GALNT2: variants seen among roughly 807,000 people sequenced by gnomAD.
GALNT2 encodes UDP-GalNAc:polypeptide N-acetylgalactosaminyltransferase 2.
In GALNT2, 31 loss-of-function variants were observed where a neutral mutation model predicts 81.4. The observed-to-expected ratio is 0.38, with a 90% CI of 0.29 to 0.51. GALNT2 has a LOEUF of 0.51. Ranked by LOEUF, GALNT2 falls within the 20% of genes least tolerant of loss-of-function variation. The probability of loss-of-function intolerance (pLI) is 0.87; values close to 1 mark genes in which losing one functional copy is unlikely to be tolerated. For missense variants in GALNT2, 629 were observed against 765.7 expected (o/e 0.82, Z 2.11); for synonymous variants, 303 against 287.4 (o/e 1.05, Z -0.55).
intron 14 of GALNT2, among the ~76,000 whole-genome samples, chr1:230,270,284 A>G (rs1448730257): frequency 6.6e-6 from 1 of 152,200 alleles, no homozygotes; most frequent in African/African-American, 2.4e-5. Context: ...CAGCACATAC[A>G]ATGTGATGTG....
chr1:230,185,908 G>T (rs1032248993), intron 2 of GALNT2, among the ~76,000 whole-genome samples: 1 of 152,152 alleles, frequency 6.6e-6, no homozygotes, highest in African/African-American at 2.4e-5. Context: ...TCCTACCCCC[G>T]TAGTGGATCT....
At chr1:230,081,331 CAGG>C (rs1288680859) in intron 1 of GALNT2, among the ~76,000 whole-genome samples, 1 of 152,088 alleles carries the variant, frequency 6.6e-6, no homozygotes, top group Non-Finnish European at 1.5e-5. Context: ...GTTCAGTGGC[CAGG>C]AGATTATTTC....
At position 230,193,907 on chromosome 1, in the gene GALNT2, G is replaced by T. The variant is rs1024694625; in HGVS notation, c.221-9230G>T. Among the ~76,000 whole-genome samples the T allele has an allele frequency of 6.6e-6, 1 of 152,030 alleles. No homozygotes were observed. The highest frequency in any genetic ancestry group is 1.9e-4 in the East Asian group (1 of 5,162). On this transcript the variant is annotated intron_variant, in intron 2 of 15. Transcript: ENST00000366672. This position sits in a 1 kb window ranked among gnomAD's most constrained non-coding sequence, Gnocchi z 4.3. ...TGGCGGGGCCCCGAGCAGCCTTCCC[G>T]GGGCCTCAGTGCCTATGCTCAGCCT...
At chr1:230,181,373 A>G (rs1356887340) in intron 2 of GALNT2, among the ~76,000 whole-genome samples, 3 of 152,154 alleles carry the variant, frequency 2.0e-5, no homozygotes, top group South Asian at 4.1e-4. Flanking sequence ...TTGCTTAGCT[A>G]GTGGACATGA....
At chr1:230,072,362 C>T (rs1407383700) in intron 1 of GALNT2, among the ~76,000 whole-genome samples, 1 of 11,930 alleles carries the variant, frequency 8.4e-5, no homozygotes, top group Non-Finnish European at 1.5e-4. Flanking sequence ...TGTGGTGGGG[C>T]GGGGGTGGCG....
At chr1:230,082,911 AGGGAGCTGGGATGATGGAGCC>A (rs1430871581) in intron 1 of GALNT2, among the ~76,000 whole-genome samples, 3 of 150,532 alleles carry the variant, frequency 2.0e-5, no homozygotes, top group Non-Finnish European at 3.0e-5. Flanking sequence ...GATGATGGAC[AGGGAGCTGGGATGATGGAGCC>A]GGGAGCTGGG....
chr1:230,170,013 A>T (rs1229376939), intron 1 of GALNT2, among the ~76,000 whole-genome samples: 1 of 152,198 alleles, frequency 6.6e-6, no homozygotes, highest in Non-Finnish European at 1.5e-5. Flanking sequence ...CCCATTCCCT[A>T]AAGTTGTAAT....
intron 1 of GALNT2, among the ~76,000 whole-genome samples, chr1:230,103,552 C>T (rs1660459675): frequency 6.6e-6 from 1 of 152,086 alleles, no homozygotes. Context: ...GGGGCAGATG[C>T]CACCAGGCTG....
At chr1:230,197,552 C>T (rs950199820) in intron 2 of GALNT2, among the ~76,000 whole-genome samples, 3 of 152,154 alleles carry the variant, frequency 2.0e-5, no homozygotes, top group African/African-American at 4.8e-5. Context: ...GAGGCAGGGA[C>T]ATTCTGTTTG....
At chr1:230,164,079 A>G (rs1000717602) in intron 1 of GALNT2, among the ~76,000 whole-genome samples, 6 of 152,198 alleles carry the variant, frequency 3.9e-5, no homozygotes, top group Admixed American at 2.0e-4. Flanking sequence ...ATTAAATACC[A>G]TACCTCAAAG....
intron 1 of GALNT2, among the ~76,000 whole-genome samples, chr1:230,097,852 T>C (rs1473575543): frequency 6.6e-6 from 1 of 152,196 alleles, no homozygotes; most frequent in Non-Finnish European, 1.5e-5. Flanking sequence ...TGCTTGGCAA[T>C]TTGGGACAAC....
rs137886185 is a variant in GALNT2, at chr1:230,155,916, T to C, written c.127-22302T>C. Among the ~76,000 whole-genome samples the C allele has an allele frequency of 2.4e-4, 36 of 152,004 alleles. No homozygotes were observed. In the East Asian group the frequency reaches 5.1e-3, roughly 21 times the overall value. ...CTAATTCTGTAGTGATTTTGCCACA[T>C]GGAGAGGGGAGGGAACTATTGTGTC... On this transcript the variant is annotated intron_variant, in intron 1 of 15. Coordinates refer to ENST00000366672, the MANE Select transcript of GALNT2 (RefSeq NM_004481.5).
At chr1:230,215,262 G>A (rs1174217262) in intron 3 of GALNT2, among the ~76,000 whole-genome samples, 1 of 152,200 alleles carries the variant, frequency 6.6e-6, no homozygotes, top group Non-Finnish European at 1.5e-5. Context: ...ACCTCCAGAA[G>A]CTTTCACTTG....
intron 1 of GALNT2, among the ~76,000 whole-genome samples, chr1:230,125,806 A>C (rs543609743): frequency 6.6e-6 from 1 of 152,330 alleles, no homozygotes; most frequent in East Asian, 1.9e-4. Context: ...ACTCTCTTAA[A>C]ACTCTCTTGC....
intron 3 of GALNT2, among the ~76,000 whole-genome samples, chr1:230,204,145 T>C (rs1663989596): frequency 6.8e-6 from 1 of 147,630 alleles, no homozygotes; most frequent in Admixed American, 6.7e-5. Flanking sequence ...TCTCCTGACC[T>C]CCTTCTTTTT....
intron 3 of GALNT2, among the ~76,000 whole-genome samples, chr1:230,234,840 A>T (rs1436506265): frequency 6.6e-6 from 1 of 152,148 alleles, no homozygotes; most frequent in African/African-American, 2.4e-5. Flanking sequence ...GGTTCTGCTG[A>T]GCCCGGTAAA....
chr1:230,114,171 G>A (rs1317781504), intron 1 of GALNT2, among the ~76,000 whole-genome samples: 4 of 152,132 alleles, frequency 2.6e-5, no homozygotes, highest in Admixed American at 1.3e-4. Flanking sequence ...TCTTGGAAAC[G>A]GGCCACAGTG....
Position 230,203,123 on chromosome 1 carries a change from T to C in GALNT2, c.221-14T>C. 6.2e-7 allele frequency: 1 copy of C among 1,612,360 alleles called. No homozygotes were observed. Among genetic ancestry groups the C allele is most frequent in the Non-Finnish European group, 8.5e-7 (1 of 1,178,554 alleles). On this transcript the variant is annotated splice_polypyrimidine_tract_variant and intron_variant, in intron 2 of 15. Coordinates refer to ENST00000366672, the MANE Select transcript of GALNT2 (RefSeq NM_004481.5). ...ATTTTCCCTCATCCCTACCCTCTGC[T>C]CTGCTCTTTTTAGGGAAAGTACGGT...
At chr1:230,214,115 C>CT (rs60360198) in intron 3 of GALNT2, among the ~76,000 whole-genome samples, 64,069 of 144,972 alleles carry the variant, frequency 0.44, 15,732 homozygotes, top group African/African-American at 0.67. Context: ...CTTAACTTTA[C>CT]TTTTTTTTTT....
Sources: gnomAD v4.1 joint callset for allele counts (sites outside exome capture counted in the v4.1 genomes callset) on GRCh38, gnomAD v4.1.1 for gene constraint, Gnocchi (gnomAD v3.1) non-coding constraint, MANE v1.5 for transcripts, NCBI Gene and HGNC (gene_info 2026-07-23, HGNC 2026-07-21) for gene names.